The following PDZD2 variants were observed in gnomAD, a reference collection of about 807,000 sequenced individuals.
PDZD2 encodes PDZ domain-containing protein 2.
In PDZD2, 90 loss-of-function variants were observed where a neutral mutation model predicts 220.7. The observed-to-expected ratio is 0.41, with a 90% CI of 0.34 to 0.49. PDZD2 has a LOEUF of 0.49. Among genes scored for constraint, PDZD2 ranks in the 20% least tolerant of loss-of-function variants. The probability of loss-of-function intolerance (pLI) is 0.28; values close to 1 mark genes in which losing one functional copy is unlikely to be tolerated. For missense variants in PDZD2, 3,174 were observed against 3,608.5 expected (o/e 0.88, Z 3.08); for synonymous variants, 1,375 against 1,450.5 (o/e 0.95, Z 1.18).
At chr5:32,003,364 ACACACACACCACACACACACC>A (rs1473521950) in intron 5 of PDZD2, among the ~76,000 whole-genome samples, 5 of 55,254 alleles carry the variant, frequency 9.0e-5, no homozygotes, top group East Asian at 4.8e-4. Flanking sequence ...ACACCACACC[ACACACACACCACACACACACC>A]CACACACACC....
intron 8 of PDZD2, 56 bp downstream of exon 8, chr5:32,048,740 G>C: frequency 6.4e-7 from 1 of 1,571,810 alleles, no homozygotes. Flanking sequence ...ATGTTAAGAA[G>C]AACTGCCCAT....
chr5:31,999,482 C>T (rs1363117591), intron 4 of PDZD2, among the ~76,000 whole-genome samples: 1 of 151,832 alleles, frequency 6.6e-6, no homozygotes, highest in African/African-American at 2.4e-5. Flanking sequence ...CACTCCACTC[C>T]GGCCTGGATG....
intron 13 of PDZD2, among the ~76,000 whole-genome samples, chr5:32,060,777 C>T (rs1324183695): frequency 6.6e-6 from 1 of 152,164 alleles, no homozygotes; most frequent in African/African-American, 2.4e-5. Flanking sequence ...TTTGCTGTTT[C>T]TGAAAATGCC....
chr5:31,985,297 T>C (rs928882603), intron 3 of PDZD2, among the ~76,000 whole-genome samples: 5 of 152,202 alleles, frequency 3.3e-5, no homozygotes, highest in African/African-American at 1.2e-4. Context: ...GCTCCCTTAA[T>C]CATTTGAAGG....
chr5:31,733,336 A>G (rs1366605503), intron 1 of PDZD2, among the ~76,000 whole-genome samples: 1 of 152,212 alleles, frequency 6.6e-6, no homozygotes, highest in African/African-American at 2.4e-5. Flanking sequence ...CTGGGGGTTC[A>G]AATGGTTGAC....
intron 6 of PDZD2, among the ~76,000 whole-genome samples, chr5:32,015,236 CT>C (rs1467968710): frequency 1.3e-5 from 2 of 152,026 alleles, no homozygotes; most frequent in African/African-American, 4.8e-5. Context: ...GCCACCGCAC[CT>C]AGCCCGACAA....
chr5:32,014,345 A>T (rs1190467461), intron 6 of PDZD2, among the ~76,000 whole-genome samples: 1 of 152,226 alleles, frequency 6.6e-6, no homozygotes, highest in Non-Finnish European at 1.5e-5. Flanking sequence ...TGGCTACAAT[A>T]AAGAGCAATG....
intron 24 of PDZD2, among the ~76,000 whole-genome samples, chr5:32,102,102 G>C (rs1279459330): frequency 6.6e-6 from 1 of 152,000 alleles, no homozygotes; most frequent in Non-Finnish European, 1.5e-5. Context: ...TTGACCTATA[G>C]TGTTAATAGG....
intron 7 of PDZD2, among the ~76,000 whole-genome samples, chr5:32,046,707 C>T (rs564971335): frequency 1.3e-5 from 2 of 151,972 alleles, no homozygotes; most frequent in African/African-American, 4.8e-5. Flanking sequence ...ATTTACAATC[C>T]ATAGATCCCA....
At chr5:31,916,124 A>G (rs1025275398) in intron 2 of PDZD2, among the ~76,000 whole-genome samples, 18 of 152,128 alleles carry the variant, frequency 1.2e-4, no homozygotes, top group African/African-American at 3.4e-4. Flanking sequence ...TTATTTTTCC[A>G]TCTTGTTTTT....
At chr5:31,977,263 C>G (rs1296264966) in intron 2 of PDZD2, among the ~76,000 whole-genome samples, 1 of 152,048 alleles carries the variant, frequency 6.6e-6, no homozygotes, top group African/African-American at 2.4e-5. Context: ...GGCTGAATGC[C>G]CAGGATGATT....
At chr5:31,647,142 G>C (rs1432577707) in intron 1 of PDZD2, among the ~76,000 whole-genome samples, 1 of 152,086 alleles carries the variant, frequency 6.6e-6, no homozygotes, top group Non-Finnish European at 1.5e-5. Flanking sequence ...AGCTTCCCAG[G>C]CTCCGTCTTT....
intron 1 of PDZD2, among the ~76,000 whole-genome samples, chr5:31,708,065 T>C (rs1747910230): frequency 6.6e-6 from 1 of 152,362 alleles, no homozygotes; most frequent in South Asian, 2.1e-4. Flanking sequence ...AAGAGATACG[T>C]AATAATACTA....
intron 6 of PDZD2, among the ~76,000 whole-genome samples, chr5:32,021,038 T>C (rs1190338079): frequency 2.0e-5 from 3 of 151,402 alleles, no homozygotes; most frequent in African/African-American, 7.3e-5. Context: ...AAAGACTTCA[T>C]GTGCATTGAA....
At chr5:32,039,522 G>A (rs1246330293) in intron 7 of PDZD2, among the ~76,000 whole-genome samples, 1 of 152,166 alleles carries the variant, frequency 6.6e-6, no homozygotes, top group Non-Finnish European at 1.5e-5. Context: ...CTGCCCGCCC[G>A]CCACCCCGTC....
intron 1 of PDZD2, among the ~76,000 whole-genome samples, chr5:31,662,769 A>G (rs1215989384): frequency 2.0e-5 from 3 of 152,140 alleles, no homozygotes; most frequent in African/African-American, 7.2e-5. Flanking sequence ...AGCTGGGACT[A>G]CAGGCGCCCA....
intron 1 of PDZD2, among the ~76,000 whole-genome samples, chr5:31,655,266 G>A (rs570211998): frequency 3.3e-5 from 5 of 152,170 alleles, no homozygotes; most frequent in East Asian, 1.9e-4. Context: ...TCTGCCTCCC[G>A]GGTTCAAGCG....
At chr5:31,820,440 T>A (rs1755768276) in intron 2 of PDZD2, 1 of 152,264 alleles carries the variant, frequency 6.6e-6, no homozygotes, top group Non-Finnish European at 1.5e-5. Context: ...TCCTCCTTAT[T>A]AAGTGGTCTT....
intron 9 of PDZD2, 92 bp downstream of exon 9, chr5:32,052,822 G>A: frequency 2.2e-6 from 3 of 1,391,340 alleles, no homozygotes; most frequent in Non-Finnish European, 3.0e-6. Flanking sequence ...TTGTGTTTTT[G>A]TTTTTAGAAA....
Sources: gnomAD v4.1 joint callset for allele counts (sites outside exome capture counted in the v4.1 genomes callset) on GRCh38, gnomAD v4.1.1 for gene constraint, MANE v1.5 for transcripts, NCBI Gene and HGNC (gene_info 2026-07-23, HGNC 2026-07-21) for gene names.